ZGPAT: variants seen among roughly 807,000 people sequenced by gnomAD.
ZGPAT encodes zinc finger CCCH-type with G patch domain-containing protein.
ZGPAT carries 39 observed loss-of-function variants against 47.9 expected under a neutral mutation model. That is an observed-to-expected ratio of 0.81 (90% CI 0.63 to 1.06). ZGPAT has a LOEUF of 1.06. Among genes scored for constraint, ZGPAT ranks in the 50% least tolerant of loss-of-function variants. ZGPAT has a pLI of 0.00. For synonymous variants in ZGPAT, 348 were observed against 292.9 expected (o/e 1.19, Z -1.92); for missense variants, 717 against 681.4 (o/e 1.05, Z -0.58).
intron 4 of ZGPAT, 132 bp downstream of exon 4, chr20:63,733,871 G>A: frequency 8.2e-7 from 1 of 1,223,274 alleles, no homozygotes; most frequent in Non-Finnish European, 1.1e-6. Context: ...TGCCACCTGT[G>A]CCTGAGGAGG....
rs768699833 is a variant in ZGPAT at position 63,735,418 on chromosome 20, G to C, written c.1251G>C (p.Ala417=). 1.2e-5 allele frequency: 19 copies of C among 1,571,198 alleles called. No homozygotes were observed. The highest frequency in any genetic ancestry group is 1.7e-4 in the Middle Eastern group (1 of 5,866). ...PGALEAGAAP[A]GRRSKDMYHA... is the part of the protein sequence containing the mutation. ...CCCTAGAAGCCGGGGCGGCCCCAGC[G>C]GGGAGGAGGAGCAAGGACATGTACC... Residue 417 remains alanine (A), a synonymous_variant, in exon 6 of 7, where the codon GCG becomes GCC. Transcript: ENST00000355969.
chr20:63,712,683 G>A (rs893990531), intron 2 of ZGPAT, among the ~76,000 whole-genome samples: 1 of 152,150 alleles, frequency 6.6e-6, no homozygotes, highest in Admixed American at 6.6e-5. Flanking sequence ...ATCACTTGAG[G>A]TCAGGAGTTC....
chr20:63,707,500 C>T (rs1017468601), upstream of ZGPAT: 3 of 167,330 alleles, frequency 1.8e-5, no homozygotes, highest in African/African-American at 4.8e-5. Flanking sequence ...GCCAGCCCCG[C>T]GCCCCACCCG....
At chr20:63,711,078 G>A (rs955000018) in intron 2 of ZGPAT, among the ~76,000 whole-genome samples, 3 of 149,000 alleles carry the variant, frequency 2.0e-5, no homozygotes, top group Admixed American at 6.7e-5. Context: ...CACCCAGGCT[G>A]GAGTGCAGTG....
intron 1 of ZGPAT, 190 bp downstream of exon 1, chr20:63,708,308 G>T (rs1012960288): frequency 8.5e-6 from 2 of 235,802 alleles, no homozygotes; most frequent in Non-Finnish European, 1.6e-5. Flanking sequence ...GTGAGGCGGC[G>T]GGGCGCCCCG....
intron 2 of ZGPAT, among the ~76,000 whole-genome samples, chr20:63,714,440 A>C (rs2145645712): frequency 6.6e-6 from 1 of 152,022 alleles, no homozygotes; most frequent in African/African-American, 2.4e-5. Context: ...AAAAAAAAAA[A>C]AAAAAAGTGG....
At chr20:63,731,586 A>C (rs369136796) in intron 2 of ZGPAT, among the ~76,000 whole-genome samples, 1 of 140,602 alleles carries the variant, frequency 7.1e-6, no homozygotes, top group Non-Finnish European at 1.5e-5. Context: ...ATGTGCATAC[A>C]TGTGTAAAGT....
In ZGPAT at chr20:63,724,963, C is replaced by T. The variant is rs1041277838; in HGVS notation, c.585-8256C>T. On this transcript the variant is annotated intron_variant, in intron 2 of 6. Coordinates refer to ENST00000355969, the MANE Select transcript of ZGPAT (RefSeq NM_181485.3). ...ATGCTGGGATTACCATGAGCCACCA[C>T]GCCCAGCCCATTTAGAATTTCTTTT... Among the ~76,000 whole-genome samples, 7 of 151,422 alleles carry T rather than the reference C, an allele frequency of 4.6e-5. No individual in the cohort carries two copies. The East Asian group carries it at 7.8e-4, about 17-fold the overall frequency.
At chr20:63,718,567 C>T (rs1023361693) in intron 2 of ZGPAT, among the ~76,000 whole-genome samples, 7 of 151,814 alleles carry the variant, frequency 4.6e-5, no homozygotes, top group South Asian at 2.1e-4. Context: ...GTGATCTGCC[C>T]GCCTTGGCCT....
chr20:63,708,524 C>G (rs907216440), intron 1 of ZGPAT, 29 bp from the exon 2 acceptor site: 1 of 1,497,386 alleles, frequency 6.7e-7, no homozygotes. Flanking sequence ...TCCCGAGACG[C>G]GGGGCTCAGC....
chr20:63,719,646 AG>A (rs1470822277), intron 2 of ZGPAT, among the ~76,000 whole-genome samples: 1 of 151,790 alleles, frequency 6.6e-6, no homozygotes, highest in Non-Finnish European at 1.5e-5. Context: ...TCACTTTACT[AG>A]TATTCTCTAT....
At chr20:63,732,049 AGTGTGTATATGCAT>A (rs1057190269) in intron 2 of ZGPAT, among the ~76,000 whole-genome samples, 26 of 152,094 alleles carry the variant, frequency 1.7e-4, no homozygotes, top group African/African-American at 4.8e-4. Context: ...TGCAAGTGTG[AGTGTGTATATGCAT>A]GTGTGTATAT....
Position 63,732,355 on chromosome 20 carries a change from T to TGCGC in ZGPAT, c.585-862_585-861insGCGC, listed in dbSNP as rs1432276772. On this transcript the variant is annotated intron_variant, in intron 2 of 6. Coordinates refer to ENST00000355969, the MANE Select transcript of ZGPAT (RefSeq NM_181485.3). ...CACGTGTGTGGGTGAGGTGTGTGTG[T>TGCGC]GCATGTGTCAGGGTGTGTGTGCGCG... is the stretch of plus-strand genomic sequence containing the variant. 1.9e-3 allele frequency among the ~76,000 whole-genome samples: 277 copies of TGCGC among 143,728 alleles called. 2 individuals are homozygous for TGCGC. The highest frequency in any genetic ancestry group is 4.9e-3 in the African/African-American group (185 of 37,794). The allele number at this position is 143,728 out of a possible 152,430, so 94.3% of individuals were successfully genotyped here.
At chr20:63,732,434 C>T (rs56212946) in intron 2 of ZGPAT, among the ~76,000 whole-genome samples, 36 of 28,494 alleles carry the variant, frequency 1.3e-3, no homozygotes, top group Admixed American at 0.011. Flanking sequence ...GAGATGTGTG[C>T]GCATGTGTGT....
At chr20:63,724,456 A>C (rs1240487735) in intron 2 of ZGPAT, among the ~76,000 whole-genome samples, 1 of 151,630 alleles carries the variant, frequency 6.6e-6, no homozygotes, top group Non-Finnish European at 1.5e-5. Flanking sequence ...CCAAGGCAGG[A>C]GGATCACTTG....
Position 63,735,423 on chromosome 20 carries a change from G to A in ZGPAT, c.1256G>A (p.Arg419Lys), listed in dbSNP as rs769597520. The A allele has an allele frequency of 2.2e-5, 34 of 1,572,250 alleles. No homozygotes were observed. Among genetic ancestry groups the A allele is most frequent in the African/African-American group, 2.7e-5 (2 of 73,376 alleles). ...GAAGCCGGGGCGGCCCCAGCGGGGAGGAGGAGCAAGGACATGTACCATGCC... is the reference window on the plus strand; with the variant it reads ...GAAGCCGGGGCGGCCCCAGCGGGGAAGAGGAGCAAGGACATGTACCATGCC... ...ALEAGAAPAG[R>K]RSKDMYHASK... The change falls in exon 6 of 7, where the codon AGG becomes AAG. Residue 419 changes from arginine to lysine, a missense_variant. Physicochemically the swap from Arg to Lys is conservative, Grantham distance 26. Coordinates refer to ENST00000355969, the MANE Select transcript of ZGPAT (RefSeq NM_181485.3).
chr20:63,717,332 CTTTTTTTTT>C (rs1173734420), intron 2 of ZGPAT, among the ~76,000 whole-genome samples: 2 of 60,954 alleles, frequency 3.3e-5, no homozygotes, highest in African/African-American at 1.4e-4. Flanking sequence ...TTTTTCTTTT[CTTTTTTTTT>C]TTTTTTTTTT....
At chr20:63,719,461 CT>C (rs2091765575) in intron 2 of ZGPAT, among the ~76,000 whole-genome samples, 2 of 152,126 alleles carry the variant, frequency 1.3e-5, no homozygotes, top group Admixed American at 1.3e-4. Context: ...TTTCTTTGTT[CT>C]TTTTTTCTTT....
chr20:63,720,745 C>T (rs1358506415), intron 2 of ZGPAT, among the ~76,000 whole-genome samples: 1 of 152,206 alleles, frequency 6.6e-6, no homozygotes, highest in Non-Finnish European at 1.5e-5. Context: ...TGAGCCACCG[C>T]ACCCGGCCTG....
Sources: gnomAD v4.1 joint callset for allele counts (sites outside exome capture counted in the v4.1 genomes callset) on GRCh38, gnomAD v4.1.1 for gene constraint, MANE v1.5 for transcripts, NCBI Gene and HGNC (gene_info 2026-07-23, HGNC 2026-07-21) for gene names.